Variants in SEMA3D observed in about 807,000 individuals in gnomAD.
SEMA3D encodes semaphorin-3D.
In SEMA3D, 84 loss-of-function variants were observed where a neutral mutation model predicts 100.1. That is an observed-to-expected ratio of 0.84 (90% CI 0.70 to 1.01). SEMA3D has a LOEUF of 1.01. Ranked by LOEUF, SEMA3D falls within the 50% of genes least tolerant of loss-of-function variation. The pLI is 0.00. For synonymous variants in SEMA3D, 312 were observed against 320.7 expected, an observed-to-expected ratio of 0.97 and a Z score of 0.29; for missense variants, 875 against 934.1, an observed-to-expected ratio of 0.94 and a Z score of 0.82.
At chr7:85,001,117 G>A (rs963147390) in intron 18 of SEMA3D, among the ~76,000 whole-genome samples, 2 of 152,204 alleles carry the variant, frequency 1.3e-5, no homozygotes, top group African/African-American at 4.8e-5. Flanking sequence ...TACCAGCCCA[G>A]TTAACTAACA....
chr7:85,223,393 A>G, the SEMA3D span, among the ~76,000 whole-genome samples: 1 of 152,154 alleles, frequency 6.6e-6, no homozygotes, highest in South Asian at 2.1e-4. Flanking sequence ...TATCCAGAGG[A>G]AAATAAGTCA....
At chr7:85,017,432 T>C (rs10228351) in intron 15 of SEMA3D, among the ~76,000 whole-genome samples, 3,892 of 151,758 alleles carry the variant, frequency 0.026, 184 homozygotes, top group African/African-American at 0.089. Flanking sequence ...AAGAAATAAA[T>C]GATAAGTGAA....
At chr7:85,201,253 C>T in the SEMA3D span, among the ~76,000 whole-genome samples, 1 of 152,168 alleles carries the variant, frequency 6.6e-6, no homozygotes, top group Non-Finnish European at 1.5e-5. Context: ...CCAAGGAATG[C>T]CTCCTCCCTA....
intron 1 of SEMA3D, among the ~76,000 whole-genome samples, chr7:85,177,504 G>A (rs1419422876): frequency 1.3e-5 from 2 of 152,016 alleles, no homozygotes; most frequent in African/African-American, 2.4e-5. Context: ...ATCATCATCT[G>A]GAATTGAAAA....
Position 85,121,814 on chromosome 7 carries a change from G to C in SEMA3D, c.78C>G (p.Ser26Arg). 1.2e-6 allele frequency: 2 copies of C among 1,610,134 alleles called. No homozygotes were observed. The highest frequency in any genetic ancestry group is 1.7e-6 in the Non-Finnish European group (2 of 1,178,182). The change falls in exon 3 of 19, where the codon AGC becomes AGG. Residue 26 changes from serine to arginine, a missense_variant. Coordinates refer to ENST00000284136, the MANE Select transcript of SEMA3D (RefSeq NM_001384900.1). ...TGACTGGAAGAAACAACATGGTCATGCTTAGCATCATCAAAGCAGGAAAAA... is the reference window on the plus strand; with the variant it reads ...TGACTGGAAGAAACAACATGGTCATCCTTAGCATCATCAAAGCAGGAAAAA... ...FHLFPALMML[S>R]MTMLFLPVTG...
the SEMA3D span, among the ~76,000 whole-genome samples, chr7:85,224,458 T>C: frequency 6.6e-6 from 1 of 152,176 alleles, no homozygotes; most frequent in African/African-American, 2.4e-5. Context: ...AATAGGAAAG[T>C]TATGGCTGAA....
intron 2 of SEMA3D, among the ~76,000 whole-genome samples, chr7:85,124,950 C>A (rs911312505): frequency 6.6e-6 from 1 of 152,086 alleles, no homozygotes; most frequent in Non-Finnish European, 1.5e-5. Flanking sequence ...CTTCTCCAAT[C>A]GCATTATCCT....
chr7:85,086,865 G>A (rs1357417944), intron 4 of SEMA3D, among the ~76,000 whole-genome samples: 1 of 152,066 alleles, frequency 6.6e-6, no homozygotes, highest in Non-Finnish European at 1.5e-5. Context: ...TAGTGGCCTA[G>A]TCAGTACACT....
chr7:85,179,136 G>T (rs1791324419), intron 1 of SEMA3D, among the ~76,000 whole-genome samples: 1 of 152,206 alleles, frequency 6.6e-6, no homozygotes, highest in African/African-American at 2.4e-5. Flanking sequence ...TGCTAGGGAA[G>T]TACAGAAGGG....
intron 2 of SEMA3D, among the ~76,000 whole-genome samples, chr7:85,147,291 A>G (rs1790244153): frequency 6.6e-6 from 1 of 151,132 alleles, no homozygotes; most frequent in African/African-American, 2.4e-5. Context: ...TAGTAGAGAC[A>G]GGTTTTCGCC....
intron 1 of SEMA3D, chr7:85,157,602 G>A: frequency 3.4e-6 from 3 of 892,864 alleles, no homozygotes; most frequent in Non-Finnish European, 4.0e-6. Context: ...CTTGTATTTT[G>A]CAAGGCTTAT....
intron 13 of SEMA3D, among the ~76,000 whole-genome samples, chr7:85,020,832 T>A (rs1299943462): frequency 6.6e-6 from 1 of 151,582 alleles, no homozygotes; most frequent in Admixed American, 6.6e-5. Context: ...AGCTCACTCT[T>A]CAAATGTATT....
At chr7:85,219,699 A>G in the SEMA3D span, among the ~76,000 whole-genome samples, 1 of 152,092 alleles carries the variant, frequency 6.6e-6, no homozygotes, top group African/African-American at 2.4e-5. Context: ...TACAGTTATG[A>G]TCAAAATATA....
intron 9 of SEMA3D, chr7:85,050,737 A>G: frequency 1.9e-6 from 1 of 525,810 alleles, no homozygotes; most frequent in Non-Finnish European, 3.4e-6. Flanking sequence ...TCAATCTTCA[A>G]AGCACAAATT....
chr7:85,032,915 A>T (rs1049674301), intron 12 of SEMA3D, among the ~76,000 whole-genome samples: 4 of 152,052 alleles, frequency 2.6e-5, no homozygotes, highest in Non-Finnish European at 5.9e-5. Flanking sequence ...TACTGATTAC[A>T]GCCTTAATAG....
chr7:85,028,567 A>T (rs987706923), intron 12 of SEMA3D: 30 of 294,790 alleles, frequency 1.0e-4, no homozygotes, highest in African/African-American at 6.4e-4. Context: ...CTGGTGAGTT[A>T]TAGTGCACAC....
chr7:85,023,878 ATATCTT>A (rs1226034255), intron 12 of SEMA3D, among the ~76,000 whole-genome samples: 3 of 152,098 alleles, frequency 2.0e-5, no homozygotes, highest in South Asian at 2.1e-4. Flanking sequence ...TAATTTAAGA[ATATCTT>A]TATCTTTAAC....
In SEMA3D at chr7:84,999,452, A is replaced by C; in HGVS notation, c.2322T>G (p.Ala774=). ...HHRDLDELPR[A]VAT Reference sequence around the variant, plus strand: ...ATTAAGTAGAAAACTACGTGGCTACAGCTCTAGGGAGCTCATCCAGGTCTC... The same window carrying C: ...ATTAAGTAGAAAACTACGTGGCTACCGCTCTAGGGAGCTCATCCAGGTCTC... The change falls in exon 19 of 19, where the codon GCT becomes GCG. Residue 774 remains alanine (A), a synonymous_variant. Transcript: ENST00000284136. 2 of 1,613,280 alleles carry C rather than the reference A, an allele frequency of 1.2e-6. No homozygotes were observed. Among genetic ancestry groups the C allele is most frequent in the South Asian group, 1.1e-5 (1 of 90,990 alleles).
chr7:85,131,359 G>A (rs1354157453), intron 2 of SEMA3D, among the ~76,000 whole-genome samples: 1 of 152,074 alleles, frequency 6.6e-6, no homozygotes, highest in African/African-American at 2.4e-5. Flanking sequence ...GTGATGGTTT[G>A]AATCTGATTA....
Sources: allele counts gnomAD v4.1 joint callset (sites outside exome capture counted in the v4.1 genomes callset), GRCh38; gene constraint gnomAD v4.1.1; transcripts MANE v1.5; gene names NCBI Gene and HGNC (gene_info 2026-07-23, HGNC 2026-07-21).